ERBB4: variants seen among roughly 807,000 people sequenced by gnomAD.
ERBB4 encodes erb-b2 receptor tyrosine kinase 4, also known as receptor tyrosine-protein kinase erbB-4.
ERBB4 carries 42 observed loss-of-function variants against 158.0 expected under a neutral mutation model. The ratio of observed to expected loss-of-function variants is 0.27; its 90% CI spans 0.21 to 0.34. The LOEUF is 0.34. Among genes scored for constraint, ERBB4 ranks in the 10% least tolerant of loss-of-function variants. ERBB4 has a pLI of 1.00. For synonymous variants in ERBB4, 583 were observed against 558.7 expected, an observed-to-expected ratio of 1.04 and a Z score of -0.61; for missense variants, 1,333 against 1,624.1, an observed-to-expected ratio of 0.82 and a Z score of 3.08.
At chr2:211,848,697 AGAATCC>A (rs2077649629) in intron 3 of ERBB4, among the ~76,000 whole-genome samples, 2 of 152,230 alleles carry the variant, frequency 1.3e-5, no homozygotes, top group East Asian at 3.9e-4. Flanking sequence ...TATGCAGGGA[AGAATCC>A]AATAGACTAG....
intron 20 of ERBB4, among the ~76,000 whole-genome samples, chr2:211,442,157 C>T (rs1282415152): frequency 6.6e-6 from 1 of 152,052 alleles, no homozygotes; most frequent in East Asian, 1.9e-4. Context: ...TGAAAACCCT[C>T]TAATTTCTTT....
At chr2:211,661,299 C>T (rs1374121478) in intron 15 of ERBB4, among the ~76,000 whole-genome samples, 2 of 152,098 alleles carry the variant, frequency 1.3e-5, no homozygotes, top group Admixed American at 6.5e-5. Flanking sequence ...ATGCAATTTG[C>T]ATCCATTCAG....
chr2:211,752,178 A>G (rs1184379435), intron 4 of ERBB4, among the ~76,000 whole-genome samples: 1 of 152,122 alleles, frequency 6.6e-6, no homozygotes, highest in Non-Finnish European at 1.5e-5. Flanking sequence ...TTAAAAACTT[A>G]CAGGAGTTCT....
intron 16 of ERBB4, among the ~76,000 whole-genome samples, chr2:211,655,009 T>A (rs2071157697): frequency 6.6e-6 from 1 of 152,170 alleles, no homozygotes; most frequent in Non-Finnish European, 1.5e-5. Flanking sequence ...TGTTTAAATT[T>A]TGAAAATATT....
At chr2:211,800,671 A>C (rs1441544416) in intron 3 of ERBB4, among the ~76,000 whole-genome samples, 1 of 151,700 alleles carries the variant, frequency 6.6e-6, no homozygotes, top group Non-Finnish European at 1.5e-5. Flanking sequence ...AAAAAAAAAA[A>C]AAAAAAAAAC....
intron 16 of ERBB4, among the ~76,000 whole-genome samples, chr2:211,656,640 A>G (rs2071229218): frequency 6.6e-6 from 1 of 152,154 alleles, no homozygotes; most frequent in South Asian, 2.1e-4. Flanking sequence ...AGTCAACCTT[A>G]TCCTCCGATC....
intron 1 of ERBB4, among the ~76,000 whole-genome samples, chr2:212,358,366 T>TAA (rs200660354): frequency 7.4e-5 from 11 of 147,950 alleles, no homozygotes; most frequent in African/African-American, 1.5e-4. Flanking sequence ...GCACTTTTTT[T>TAA]AAAAAAAAAA....
chr2:212,523,145 C>A (rs1692265100), intron 1 of ERBB4, among the ~76,000 whole-genome samples: 1 of 151,888 alleles, frequency 6.6e-6, no homozygotes, highest in African/African-American at 2.4e-5. Context: ...CCAAAGCTGA[C>A]TAATAAAGGT....
intron 17 of ERBB4, among the ~76,000 whole-genome samples, chr2:211,624,661 A>G (rs1205331564): frequency 1.3e-5 from 2 of 152,242 alleles, no homozygotes; most frequent in East Asian, 3.8e-4. Flanking sequence ...TTGATTCTGC[A>G]TCATAAGTGA....
rs1188847550 is a variant in ERBB4, at chr2:211,703,684, CA to C, written c.1289+419del. Among the ~76,000 whole-genome samples the C allele has an allele frequency of 5.3e-5, 8 of 152,262 alleles. No homozygotes were observed. In the East Asian group the frequency reaches 1.5e-3, roughly 29 times the overall value. ...AGTGGTGGACGAGTTCCTAAAACAT[CA>C]GCCCTGTGACGTGTAGTTCAATTAT... On this transcript the variant is annotated intron_variant, in intron 11 of 27. Transcript: ENST00000342788.
At chr2:211,771,468 A>T (rs2075690413) in intron 4 of ERBB4, among the ~76,000 whole-genome samples, 1 of 152,222 alleles carries the variant, frequency 6.6e-6, no homozygotes. Context: ...ACTCTTGTTT[A>T]ATCTGACAGG....
At chr2:212,445,773 C>A (rs2092337149) in intron 1 of ERBB4, among the ~76,000 whole-genome samples, 3 of 152,146 alleles carry the variant, frequency 2.0e-5, no homozygotes, top group Admixed American at 1.3e-4. Context: ...GGGGAAAAAA[C>A]CCACAACCTG....
At position 212,003,218 on chromosome 2, in the gene ERBB4, AAGGAAG is replaced by A. The variant is rs1559294319; in HGVS notation, c.235-55608_235-55603del. Among the ~76,000 whole-genome samples, 128 of 61,578 alleles carry A rather than the reference AAGGAAG, an allele frequency of 2.1e-3. 6 individuals carry two copies. The highest frequency in any genetic ancestry group is 3.5e-3 in the Non-Finnish European group (70 of 19,888). 40.4% of individuals were successfully genotyped at this position (61,578 alleles called of 152,430 possible). A position where few individuals can be genotyped will look rare whatever the true frequency, so the allele number is the denominator to read the frequency against. On this transcript the variant is annotated intron_variant, in intron 2 of 27. Coordinates refer to ENST00000342788, the MANE Select transcript of ERBB4 (RefSeq NM_005235.3). ...GAAAGAAAGAAAGACAGAAAGAAGG[AAGGAAG>A]GAAGGAAGGAAGGAAGGAAGGAAGG...
rs190423419 is a variant in ERBB4, at chr2:211,470,622, A to G, written c.2488-39522T>C. 2.1e-4 allele frequency among the ~76,000 whole-genome samples: 32 copies of G among 152,284 alleles called. No homozygotes were observed. In the East Asian group the frequency reaches 5.6e-3, roughly 27 times the overall value. ...GAACATCAGTGGATTTTAGAGAGAT[A>G]CTTTAAGACAACTTTGGAAATCCCG... is the stretch of plus-strand genomic sequence containing the variant. On this transcript the variant is annotated intron_variant, in intron 20 of 27. Transcript: ENST00000342788.
intron 20 of ERBB4, among the ~76,000 whole-genome samples, chr2:211,432,641 G>GAGAT (rs1385947406): frequency 1.5e-4 from 22 of 150,676 alleles, no homozygotes; most frequent in Admixed American, 1.1e-3. Flanking sequence ...CATTGCCTTG[G>GAGAT]AGATAGAATA....
chr2:211,421,863 C>T, intron 24 of ERBB4, 144 bp downstream of exon 24: 1 of 675,656 alleles, frequency 1.5e-6, no homozygotes, highest in Non-Finnish European at 2.7e-6. Flanking sequence ...AAGCTCTTTT[C>T]CATAAGTCAT....
chr2:212,156,188 T>C (rs970144516), intron 1 of ERBB4, among the ~76,000 whole-genome samples: 2 of 152,064 alleles, frequency 1.3e-5, no homozygotes, highest in African/African-American at 4.8e-5. Context: ...TCCCTGACAT[T>C]TCCTCTGAAA....
intron 1 of ERBB4, among the ~76,000 whole-genome samples, chr2:212,150,360 C>A (rs745488040): frequency 3.9e-4 from 59 of 152,156 alleles, no homozygotes; most frequent in Non-Finnish European, 7.2e-4. Flanking sequence ...TATAAGGACA[C>A]CAGTCATATT....
intron 2 of ERBB4, among the ~76,000 whole-genome samples, chr2:211,956,029 A>AGTGTGTGTGTGT (rs3070122): frequency 4.1e-5 from 6 of 146,332 alleles, no homozygotes; most frequent in African/African-American, 1.5e-4. Flanking sequence ...TCATCTCTAA[A>AGTGTGTGTGTGT]GTGTGTGTGT....
Sources: gnomAD v4.1 joint callset for allele counts (sites outside exome capture counted in the v4.1 genomes callset) on GRCh38, gnomAD v4.1.1 for gene constraint, MANE v1.5 for transcripts, NCBI Gene and HGNC (gene_info 2026-07-23, HGNC 2026-07-21) for gene names.